Variants in USP34 observed in about 807,000 individuals in gnomAD.
USP34 encodes the protein ubiquitin specific peptidase 34.
Under a neutral mutation model 460.3 loss-of-function variants are expected in USP34, and 70 were observed. The observed-to-expected ratio is 0.15, with a 90% CI of 0.13 to 0.19. USP34 has a LOEUF of 0.19. Ranked by LOEUF, USP34 falls within the 10% of genes least tolerant of loss-of-function variation. The pLI is 1.00. For synonymous variants in USP34, 1,647 were observed against 1,405.3 expected (o/e 1.17, Z -3.85); for missense variants, 3,985 against 4,236.2 (o/e 0.94, Z 1.65).
intron 5 of USP34, among the ~76,000 whole-genome samples, chr2:61,386,653 G>A (rs2103879050): frequency 6.6e-6 from 1 of 152,026 alleles, no homozygotes; most frequent in East Asian, 1.9e-4. Flanking sequence ...AGCTGGGCGT[G>A]GTGGCAAGTG....
chr2:61,205,785 T>C (rs1687102692), intron 72 of USP34, among the ~76,000 whole-genome samples: 1 of 152,354 alleles, frequency 6.6e-6, no homozygotes, highest in South Asian at 2.1e-4. Context: ...AGAGATGAAC[T>C]AAGGTCGGGG....
chr2:61,401,805 G>A (rs1182996876), intron 3 of USP34, among the ~76,000 whole-genome samples: 1 of 148,368 alleles, frequency 6.7e-6, no homozygotes, highest in Non-Finnish European at 1.5e-5. Flanking sequence ...TGATCCACCT[G>A]CCTCAGCCTC....
intron 1 of USP34, among the ~76,000 whole-genome samples, chr2:61,435,640 T>C (rs1694792334): frequency 6.6e-6 from 1 of 152,286 alleles, no homozygotes; most frequent in African/African-American, 2.4e-5. Flanking sequence ...GGATATATAA[T>C]GTAGTAACTA....
At chr2:61,353,103 C>T (rs746132854) in intron 10 of USP34, among the ~76,000 whole-genome samples, 4 of 152,192 alleles carry the variant, frequency 2.6e-5, no homozygotes, top group East Asian at 1.9e-4. Flanking sequence ...CAGGCAGCTA[C>T]GGAGACAACA....
At chr2:61,381,961 G>A (rs1202828927) in intron 6 of USP34, among the ~76,000 whole-genome samples, 1 of 152,080 alleles carries the variant, frequency 6.6e-6, no homozygotes, top group Non-Finnish European at 1.5e-5. Flanking sequence ...GAGGGGGGGT[G>A]CTGAATGTCA....
chr2:61,382,746 G>A (rs1693010611), intron 6 of USP34, among the ~76,000 whole-genome samples: 1 of 152,062 alleles, frequency 6.6e-6, no homozygotes, highest in African/African-American at 2.4e-5. Context: ...TTTTTAAGTT[G>A]AGACTTATAA....
At chr2:61,253,209 A>C (rs768504528) in intron 48 of USP34, among the ~76,000 whole-genome samples, 1 of 152,236 alleles carries the variant, frequency 6.6e-6, no homozygotes, top group Non-Finnish European at 1.5e-5. Flanking sequence ...ACTACCTGGG[A>C]GAGATGTGAC....
chr2:61,219,818 T>C (rs72811461), intron 67 of USP34, among the ~76,000 whole-genome samples: 11,686 of 152,144 alleles, frequency 0.077, 629 homozygotes, highest in Non-Finnish European at 0.11. Flanking sequence ...TTTTGAACTA[T>C]CAAAATAACA....
chr2:61,426,065 A>T (rs1694502918), intron 1 of USP34, among the ~76,000 whole-genome samples: 1 of 152,032 alleles, frequency 6.6e-6, no homozygotes, highest in African/African-American at 2.4e-5. Flanking sequence ...CTAACTGAGG[A>T]GCCCTTGGGC....
At chr2:61,233,837 T>C (rs1687987313) in intron 57 of USP34, among the ~76,000 whole-genome samples, 1 of 110,140 alleles carries the variant, frequency 9.1e-6, no homozygotes, top group South Asian at 4.2e-4. Context: ...ACACCCACTC[T>C]GGGGGTAAAA....
chr2:61,312,502 C>T (rs1690624644), intron 25 of USP34, among the ~76,000 whole-genome samples: 1 of 146,552 alleles, frequency 6.8e-6, no homozygotes, highest in African/African-American at 2.5e-5. Context: ...ATCCAAGGTA[C>T]CTGAGTTTAA....
At chr2:61,282,506 G>A (rs1689564286) in intron 37 of USP34, among the ~76,000 whole-genome samples, 1 of 152,048 alleles carries the variant, frequency 6.6e-6, no homozygotes, top group African/African-American at 2.4e-5. Context: ...AGAAAACACA[G>A]GCTGGGTGCA....
At chr2:61,275,388 G>A (rs1479068892) in intron 41 of USP34, among the ~76,000 whole-genome samples, 3 of 152,150 alleles carry the variant, frequency 2.0e-5, no homozygotes, top group East Asian at 1.9e-4. Context: ...AGGCCAAGAC[G>A]GGAGGATCAC....
rs1036120994 is a variant in USP34, at chr2:61,259,904, C to A, written c.5779-128G>T. 6 of 699,162 alleles carry A rather than the reference C, an allele frequency of 8.6e-6. No homozygotes were observed. In the Admixed American group the frequency reaches 1.4e-4, roughly 16 times the overall value. The allele number at this position is 699,162 out of a possible 1,614,324, so 43.3% of individuals were successfully genotyped here. ...TTCTTTTGGCTATATAAAAGAAAAA[C>A]ACCAACACATTCAATTCTTTAGTAA... On this transcript the variant is annotated intron_variant, in intron 43 of 79. Transcript: ENST00000398571.
At chr2:61,334,266 A>AT (rs1002931164) in intron 18 of USP34, among the ~76,000 whole-genome samples, 1 of 152,180 alleles carries the variant, frequency 6.6e-6, no homozygotes, top group Non-Finnish European at 1.5e-5. Flanking sequence ...CTATTTCTTC[A>AT]TAAGTCATTA....
chr2:61,261,075 G>GT (rs1688864233), intron 43 of USP34, among the ~76,000 whole-genome samples: 1 of 152,186 alleles, frequency 6.6e-6, no homozygotes, highest in African/African-American at 2.4e-5. Flanking sequence ...GCAAAACGGT[G>GT]TAAGCCCTAT....
At chr2:61,310,874 C>G (rs1193831523) in intron 27 of USP34, among the ~76,000 whole-genome samples, 1 of 151,942 alleles carries the variant, frequency 6.6e-6, no homozygotes, top group Admixed American at 6.6e-5. Flanking sequence ...CAAAAATTCC[C>G]AAATTGCTTA....
chr2:61,441,291 C>G (rs1484637998), intron 1 of USP34, among the ~76,000 whole-genome samples: 1 of 151,988 alleles, frequency 6.6e-6, no homozygotes, highest in African/African-American at 2.4e-5. Flanking sequence ...ATGGGTCCCA[C>G]CACACCCAGG....
chr2:61,417,966 C>T (rs1249912264), intron 2 of USP34, among the ~76,000 whole-genome samples: 3 of 151,384 alleles, frequency 2.0e-5, no homozygotes, highest in Admixed American at 6.6e-5. Context: ...GTCTCAAACT[C>T]CTGAACTCAA....
Sources: gnomAD v4.1 joint callset for allele counts (sites outside exome capture counted in the v4.1 genomes callset) on GRCh38, gnomAD v4.1.1 for gene constraint, MANE v1.5 for transcripts, NCBI Gene and HGNC (gene_info 2026-07-23, HGNC 2026-07-21) for gene names.